The following MTR variants were observed in gnomAD, a reference collection of about 807,000 sequenced individuals.
The protein encoded by MTR is 5-methyltetrahydrofolate-homocysteine methyltransferase.
In MTR, 84 loss-of-function variants were observed where a neutral mutation model predicts 154.8. That is an observed-to-expected ratio of 0.54 (90% CI 0.45 to 0.65). The LOEUF (loss-of-function observed/expected upper bound fraction) is 0.65, where lower values mean the gene tolerates loss of function less well. Among genes scored for constraint, MTR ranks in the 30% least tolerant of loss-of-function variants. The pLI is 0.00. For missense variants in MTR, 1,275 were observed against 1,570.2 expected (o/e 0.81, Z 3.18); for synonymous variants, 554 against 553.9 (o/e 1.00, Z 0.00).
chr1:236,852,756 T>C (rs958922687), intron 17 of MTR, 119 bp downstream of exon 17: 14 of 1,119,696 alleles, frequency 1.3e-5, no homozygotes, highest in Middle Eastern at 2.7e-4. Context: ...TAAGATTTTA[T>C]TGGGATAGAG....
intron 8 of MTR, among the ~76,000 whole-genome samples, chr1:236,818,465 G>A (rs1423107658): frequency 1.3e-5 from 2 of 152,120 alleles, no homozygotes; most frequent in Admixed American, 1.3e-4. Flanking sequence ...AGGTTTTATC[G>A]AGGTCTAAAT....
chr1:236,845,807 A>G (rs1025918978), intron 15 of MTR, among the ~76,000 whole-genome samples: 1 of 152,240 alleles, frequency 6.6e-6, no homozygotes, highest in Admixed American at 6.5e-5. Context: ...AAAGTTAAGA[A>G]GCCAGCAATA....
intron 2 of MTR, among the ~76,000 whole-genome samples, chr1:236,805,809 T>C (rs2103022462): frequency 6.6e-6 from 1 of 152,218 alleles, no homozygotes; most frequent in East Asian, 1.9e-4. Context: ...ATGTGTTACC[T>C]TATGTTAGCA....
chr1:236,796,421 G>A (rs1660391332), intron 1 of MTR, among the ~76,000 whole-genome samples: 1 of 152,178 alleles, frequency 6.6e-6, no homozygotes, highest in Non-Finnish European at 1.5e-5. Flanking sequence ...CTAAGGTCAT[G>A]CCTGATTATA....
At chr1:236,850,934 C>T (rs895580794) in intron 16 of MTR, among the ~76,000 whole-genome samples, 2 of 152,152 alleles carry the variant, frequency 1.3e-5, no homozygotes, top group African/African-American at 2.4e-5. Context: ...GCATAGCTAG[C>T]GCCCCCGTCT....
rs931812633 is a variant in MTR at position 236,897,595 on chromosome 1, C to T, written c.3749C>T (p.Ala1250Val). Residue 1250 changes from alanine (A) to valine (V), a missense_variant, in exon 33 of 33, where the codon GCT (alanine) becomes GTT (valine). Transcript: ENST00000366577. ...GCATTGAGGAAGAACATATCTGTGGCTGAGGTTGAGAAATGGCTTGGACCC... is the reference window on the plus strand; with the variant it reads ...GCATTGAGGAAGAACATATCTGTGGTTGAGGTTGAGAAATGGCTTGGACCC... ...DYALRKNISV[A>V]EVEKWLGPIL... 2 of 1,613,094 alleles carry T rather than the reference C, an allele frequency of 1.2e-6. No individual in the cohort carries two copies. The highest frequency in any genetic ancestry group is 1.7e-6 in the Non-Finnish European group (2 of 1,179,902).
At chr1:236,825,471 AAGG>A in intron 10 of MTR, 72 bp downstream of exon 10, 1 of 1,417,150 alleles carries the variant, frequency 7.1e-7, no homozygotes, top group Non-Finnish European at 1.0e-6. Context: ...GAGTATTTAG[AAGG>A]AGAATTTTCC....
rs7546675 is a variant in MTR at position 236,817,162 on chromosome 1, A to G, written c.764+619A>G. Reference sequence around the variant, plus strand: ...ATTTATATTTTATTTTTCATATCCAAATGTTTTAAATTGTGTACTTTGAGT... The same window carrying G: ...ATTTATATTTTATTTTTCATATCCAGATGTTTTAAATTGTGTACTTTGAGT... On this transcript the variant is annotated intron_variant, in intron 8 of 32. Transcript: ENST00000366577. Among the ~76,000 whole-genome samples, 318 of 152,232 alleles carry G rather than the reference A, an allele frequency of 2.1e-3. 1 individual carries two copies. Among genetic ancestry groups the G allele is most frequent in the African/African-American group, 5.8e-3 (240 of 41,506 alleles).
chr1:236,850,213 T>C (rs1365063317), intron 15 of MTR, 131 bp from the exon 16 acceptor site: 1 of 517,962 alleles, frequency 1.9e-6, no homozygotes, highest in African/African-American at 2.0e-5. Context: ...GTGAGTGAAA[T>C]GTGCTCTAAT....
intron 15 of MTR, among the ~76,000 whole-genome samples, chr1:236,844,181 A>G (rs546744614): frequency 3.9e-5 from 6 of 152,290 alleles, no homozygotes; most frequent in Admixed American, 1.3e-4. Context: ...GTGAAGAACA[A>G]TCATCAAAGA....
At chr1:236,805,009 T>G (rs937871390) in intron 2 of MTR, among the ~76,000 whole-genome samples, 1 of 152,122 alleles carries the variant, frequency 6.6e-6, no homozygotes, top group African/African-American at 2.4e-5. Flanking sequence ...TGTAATAAAG[T>G]GGATATATTT....
intron 22 of MTR, among the ~76,000 whole-genome samples, chr1:236,866,999 G>A (rs1446390911): frequency 1.3e-5 from 2 of 152,216 alleles, no homozygotes; most frequent in Non-Finnish European, 2.9e-5. Context: ...GTGAAGTGCA[G>A]GTGCTGATGG....
intron 16 of MTR, among the ~76,000 whole-genome samples, chr1:236,852,171 A>G (rs1013579065): frequency 1.3e-5 from 2 of 152,272 alleles, no homozygotes; most frequent in African/African-American, 4.8e-5. Flanking sequence ...TTCATAGTGA[A>G]CTAGGGAGTC....
At chr1:236,808,053 C>T (rs571400356) in intron 3 of MTR, among the ~76,000 whole-genome samples, 1 of 152,126 alleles carries the variant, frequency 6.6e-6, no homozygotes, top group Non-Finnish European at 1.5e-5. Flanking sequence ...CTTAGGAATT[C>T]AAAGGAACTT....
At position 236,899,657 on chromosome 1, in the gene MTR, C is replaced by T. The variant is rs1318198314; in HGVS notation, c.*2013C>T. 1 of 152,178 alleles carries T rather than the reference C, an allele frequency of 6.6e-6. No homozygotes were observed. Among genetic ancestry groups the T allele is most frequent in the Non-Finnish European group, 1.5e-5 (1 of 68,020 alleles). 9.4% of individuals were successfully genotyped at this position (152,178 alleles called of 1,614,324 possible). On this transcript the variant is annotated 3_prime_UTR_variant, in exon 33 of 33. Transcript: ENST00000366577. Reference sequence around the variant, plus strand: ...GATGGTTAAGTCAATTCTGTTAAAACTCAAGGCTTATATTAAGCAAACACT... The same window carrying T: ...GATGGTTAAGTCAATTCTGTTAAAATTCAAGGCTTATATTAAGCAAACACT...
intron 18 of MTR, among the ~76,000 whole-genome samples, chr1:236,859,242 C>A (rs571199830): frequency 1.3e-5 from 2 of 152,334 alleles, no homozygotes; most frequent in Admixed American, 1.3e-4. Context: ...AGCAAGAGAG[C>A]CAGAGAGATA....
At chr1:236,855,152 A>C (rs1224768988) in intron 18 of MTR, among the ~76,000 whole-genome samples, 1 of 152,196 alleles carries the variant, frequency 6.6e-6, no homozygotes, top group African/African-American at 2.4e-5. Context: ...TTATGAGGCA[A>C]ATAAGAGTCA....
At position 236,899,649 on chromosome 1, in the gene MTR, T is replaced by G. The variant is rs1010418377; in HGVS notation, c.*2005T>G. The G allele has an allele frequency of 8.5e-5, 13 of 152,252 alleles. No individual in the cohort carries two copies. Among genetic ancestry groups the G allele is most frequent in the Admixed American group, 8.5e-4 (13 of 15,290 alleles). 9.4% of individuals were successfully genotyped at this position (152,252 alleles called of 1,614,324 possible). ...AAGGACAAGATGGTTAAGTCAATTC[T>G]GTTAAAACTCAAGGCTTATATTAAG... On this transcript the variant is annotated 3_prime_UTR_variant, in exon 33 of 33. Coordinates refer to ENST00000366577, the MANE Select transcript of MTR (RefSeq NM_000254.3).
intron 28 of MTR, 26 bp from the exon 29 acceptor site, chr1:236,891,107 G>A (rs1025898111): frequency 6.2e-7 from 1 of 1,613,182 alleles, no homozygotes; most frequent in African/African-American, 1.3e-5. Flanking sequence ...ATCTTTAAGT[G>A]AATTCTAATT....
Sources: allele counts gnomAD v4.1 joint callset (sites outside exome capture counted in the v4.1 genomes callset), GRCh38; gene constraint gnomAD v4.1.1; transcripts MANE v1.5; gene names NCBI Gene and HGNC (gene_info 2026-07-23, HGNC 2026-07-21).